Variants in FEM1C observed in about 807,000 individuals in gnomAD.
The protein encoded by FEM1C is fem-1 homolog C.
Under a neutral mutation model 37.6 loss-of-function variants are expected in FEM1C, and 15 were observed. The ratio of observed to expected loss-of-function variants is 0.40; its 90% CI spans 0.27 to 0.61. FEM1C has a LOEUF of 0.61. FEM1C is among the 20% of genes least tolerant of loss of function. The probability of loss-of-function intolerance (pLI) is 0.42; values close to 1 mark genes in which losing one functional copy is unlikely to be tolerated. For missense variants in FEM1C, 532 were observed against 749.7 expected (o/e 0.71, Z 3.39); for synonymous variants, 287 against 272.8 (o/e 1.05, Z -0.51).
intron 2 of FEM1C, among the ~76,000 whole-genome samples, chr5:115,535,376 T>TA (rs756253538): frequency 6.6e-6 from 1 of 151,180 alleles, no homozygotes; most frequent in Non-Finnish European, 1.5e-5. Flanking sequence ...AAACAACTCT[T>TA]ACAGTTCAGT....
At chr5:115,534,742 A>G (rs1754088741) in intron 2 of FEM1C, among the ~76,000 whole-genome samples, 1 of 151,974 alleles carries the variant, frequency 6.6e-6, no homozygotes, top group African/African-American at 2.4e-5. Context: ...TGTGTTTAGC[A>G]TAAGTCAAAT....
chr5:115,521,087 A>AG lies in FEM1C; in HGVS notation c.*3220_*3221insC, dbSNP rs992497497. The AG allele has an allele frequency of 1.3e-4, 19 of 151,720 alleles. No homozygotes were observed. The highest frequency in any genetic ancestry group is 2.2e-4 in the Non-Finnish European group (15 of 67,656). The allele number at this position is 151,720 out of a possible 1,614,324, so 9.4% of individuals were successfully genotyped here. On this transcript the variant is annotated 3_prime_UTR_variant, in exon 3 of 3. Transcript: ENST00000274457. ...TAGTGACACATAAGGGCAAAAAAAA[A>AG]AAAAAGAAAAAGAAAAAAAGAAAAT...
At chr5:115,530,064 G>A (rs1217618550) in intron 2 of FEM1C, among the ~76,000 whole-genome samples, 1 of 151,844 alleles carries the variant, frequency 6.6e-6, no homozygotes, top group African/African-American at 2.4e-5. Flanking sequence ...CTGTCAGACT[G>A]AAGATACAAA....
chr5:115,537,712 A>C (rs887504463), intron 2 of FEM1C, among the ~76,000 whole-genome samples: 1 of 152,034 alleles, frequency 6.6e-6, no homozygotes, highest in African/African-American at 2.4e-5. Flanking sequence ...ATAAATATAG[A>C]TATATTAGAA....
At chr5:115,538,883 T>C (rs867810103) in intron 2 of FEM1C, among the ~76,000 whole-genome samples, 4 of 152,018 alleles carry the variant, frequency 2.6e-5, no homozygotes, top group Admixed American at 6.6e-5. Flanking sequence ...TCTGCAGATC[T>C]AAACCCCAAC....
At chr5:115,538,801 C>T (rs1039588285) in intron 2 of FEM1C, among the ~76,000 whole-genome samples, 2 of 152,032 alleles carry the variant, frequency 1.3e-5, no homozygotes, top group East Asian at 1.9e-4. Context: ...TTCAAAGTGC[C>T]TTTCCTTATG....
At position 115,543,418 on chromosome 5, in the gene FEM1C, T is replaced by G; in HGVS notation, c.76A>C (p.Lys26Gln). ...LRLLTKLLAS[K>Q]SKEEVSSLIS... ...AAGGAGGAAACCTCCTCTTTGGATT[T>G]GCTTGCCAACAATTTGGTGAGAAGC... The change falls in exon 2 of 3, where the codon AAA becomes CAA. Residue 26 changes from lysine (K) to glutamine (Q), a missense_variant. Physicochemically the swap from Lys to Gln is moderately conservative, Grantham distance 53. Transcript: ENST00000274457. 3 of 1,614,194 alleles carry G rather than the reference T, an allele frequency of 1.9e-6. No individual in the cohort carries two copies. Among genetic ancestry groups the G allele is most frequent in the Non-Finnish European group, 2.5e-6 (3 of 1,180,014 alleles).
chr5:115,534,373 T>G (rs891046250), intron 2 of FEM1C, among the ~76,000 whole-genome samples: 1 of 151,982 alleles, frequency 6.6e-6, no homozygotes, highest in African/African-American at 2.4e-5. Flanking sequence ...GAATCAACAT[T>G]TTTTTCAAAT....
At chr5:115,534,543 T>C (rs932469303) in intron 2 of FEM1C, among the ~76,000 whole-genome samples, 1 of 151,866 alleles carries the variant, frequency 6.6e-6, no homozygotes, top group Admixed American at 6.6e-5. Flanking sequence ...CATATAAATA[T>C]CTCAATTTAG....
chr5:115,543,908 G>A (rs1754297829), intron 1 of FEM1C: 5 of 985,292 alleles, frequency 5.1e-6, no homozygotes, highest in African/African-American at 3.5e-5. Context: ...TCCATGTGCG[G>A]AAAATTTAAA....
At position 115,524,171 on chromosome 5, in the gene FEM1C, C is replaced by G. The variant is rs564519516; in HGVS notation, c.*137G>C. On this transcript the variant is annotated 3_prime_UTR_variant, in exon 3 of 3. Coordinates refer to ENST00000274457, the MANE Select transcript of FEM1C (RefSeq NM_020177.3). ...GGAAACCAATGTTGTAAATTTGATG[C>G]TTATAATGCTTTAGCCAATGAGAGC... 9.6e-5 allele frequency: 61 copies of G among 637,862 alleles called. No homozygotes were observed. In the East Asian group the frequency reaches 1.6e-3, roughly 17 times the overall value. The allele number at this position is 637,862 out of a possible 1,614,324, so 39.5% of individuals were successfully genotyped here. A position where few individuals can be genotyped will look rare whatever the true frequency, so the allele number is the denominator to read the frequency against.
At chr5:115,538,039 TGA>T (rs1179654449) in intron 2 of FEM1C, among the ~76,000 whole-genome samples, 1 of 152,048 alleles carries the variant, frequency 6.6e-6, no homozygotes, top group East Asian at 1.9e-4. Context: ...GCCCATTCTA[TGA>T]GAGAGAAATA....
intron 2 of FEM1C, among the ~76,000 whole-genome samples, chr5:115,534,408 A>G (rs768760637): frequency 6.6e-6 from 1 of 151,916 alleles, no homozygotes; most frequent in African/African-American, 2.4e-5. Context: ...ACATAGCTGT[A>G]TTTTGAGGAA....
Position 115,523,345 on chromosome 5 carries a change from T to G in FEM1C, c.*963A>C, listed in dbSNP as rs1010979594. 1.3e-5 allele frequency: 2 copies of G among 152,604 alleles called. No individual in the cohort carries two copies. Among genetic ancestry groups the G allele is most frequent in the African/African-American group, 4.8e-5 (2 of 41,558 alleles). 9.5% of individuals were successfully genotyped at this position (152,604 alleles called of 1,614,324 possible). ...TGACTCATTAAGCTGTGTGATGAAC[T>G]TTGAAGTTAAATTTAAGCAAATTCT... On this transcript the variant is annotated 3_prime_UTR_variant, in exon 3 of 3. Coordinates refer to ENST00000274457, the MANE Select transcript of FEM1C (RefSeq NM_020177.3).
At chr5:115,539,233 T>A (rs1056186783) in intron 2 of FEM1C, among the ~76,000 whole-genome samples, 1 of 152,102 alleles carries the variant, frequency 6.6e-6, no homozygotes, top group African/African-American at 2.4e-5. Context: ...TAGTACTGAA[T>A]CAAGAACTTT....
chr5:115,528,923 G>C (rs1358130466), intron 2 of FEM1C, among the ~76,000 whole-genome samples: 1 of 152,062 alleles, frequency 6.6e-6, no homozygotes, highest in Non-Finnish European at 1.5e-5. Context: ...AACTCGGTGA[G>C]TGGCTTTAAA....
Position 115,524,097 on chromosome 5 carries a change from C to G in FEM1C, c.*211G>C. On this transcript the variant is annotated 3_prime_UTR_variant, in exon 3 of 3. Coordinates refer to ENST00000274457, the MANE Select transcript of FEM1C (RefSeq NM_020177.3). ...TTAGAAATTTGAATGTTACATTTCT[C>G]AATAATTCACAAACAATATATTATA... 2.1e-6 allele frequency: 1 copy of G among 476,994 alleles called. No individual in the cohort carries two copies. Among genetic ancestry groups the G allele is most frequent in the East Asian group, 3.6e-5 (1 of 27,920 alleles). The allele number at this position is 476,994 out of a possible 1,614,324, so 29.5% of individuals were successfully genotyped here.
Position 115,525,340 on chromosome 5 carries a change from G to A in FEM1C, c.822C>T (p.Asn274=). ...GALKYWKKAM[N]MRYSDRTNII... is the part of the protein sequence containing the mutation. Reference sequence around the variant, plus strand: ...TATTAGTCCTATCACTGTACCTCATGTTCATTGCCTTTTTCCAGTATTTCA... The same window carrying A: ...TATTAGTCCTATCACTGTACCTCATATTCATTGCCTTTTTCCAGTATTTCA... The change falls in exon 3 of 3, where the codon AAC becomes AAT. Residue 274 remains asparagine, a synonymous_variant. Coordinates refer to ENST00000274457, the MANE Select transcript of FEM1C (RefSeq NM_020177.3). 6.2e-7 allele frequency: 1 copy of A among 1,613,642 alleles called. No individual in the cohort carries two copies.
intron 2 of FEM1C, among the ~76,000 whole-genome samples, chr5:115,537,671 T>G (rs928924730): frequency 6.6e-6 from 1 of 152,074 alleles, no homozygotes; most frequent in African/African-American, 2.4e-5. Flanking sequence ...TGACTTCAAC[T>G]AGTAAGTTAT....
Sources: allele counts gnomAD v4.1 joint callset (sites outside exome capture counted in the v4.1 genomes callset), GRCh38; gene constraint gnomAD v4.1.1; transcripts MANE v1.5; gene names NCBI Gene and HGNC (gene_info 2026-07-23, HGNC 2026-07-21).